Variants in SRRM4 observed in about 807,000 individuals in gnomAD.
The protein encoded by SRRM4 is serine/arginine repetitive matrix 4.
A neutral mutation model predicts 68.9 loss-of-function variants in SRRM4; 33 were observed. That is an observed-to-expected ratio of 0.48 (90% CI 0.36 to 0.64). The LOEUF (loss-of-function observed/expected upper bound fraction) is 0.64, where lower values mean the gene tolerates loss of function less well. SRRM4 is among the 30% of genes least tolerant of loss of function. The pLI, the probability that SRRM4 is intolerant of heterozygous loss-of-function variation, is 0.00. For synonymous variants in SRRM4, 318 were observed against 318.8 expected, an observed-to-expected ratio of 1.00 and a Z score of 0.03; for missense variants, 817 against 827.1, an observed-to-expected ratio of 0.99 and a Z score of 0.15.
chr12:119,052,020 T>A (rs2136017386), intron 1 of SRRM4, among the ~76,000 whole-genome samples: 1 of 152,186 alleles, frequency 6.6e-6, no homozygotes, highest in Non-Finnish European at 1.5e-5. Flanking sequence ...ACAGCTAGAG[T>A]GTTCCATTTT....
chr12:118,991,557 T>C (rs997504450), intron 1 of SRRM4, among the ~76,000 whole-genome samples: 1 of 152,220 alleles, frequency 6.6e-6, no homozygotes, highest in Admixed American at 6.5e-5. Flanking sequence ...ATGAGCTCCT[T>C]GTTGAACGAA....
chr12:119,045,328 C>G (rs913255346), intron 1 of SRRM4, among the ~76,000 whole-genome samples: 5 of 149,272 alleles, frequency 3.3e-5, no homozygotes, highest in African/African-American at 1.2e-4. Flanking sequence ...CAACACATGT[C>G]TTGTTCCTTC....
At chr12:119,150,271 A>C (rs1954430081) in intron 9 of SRRM4, among the ~76,000 whole-genome samples, 1 of 152,208 alleles carries the variant, frequency 6.6e-6, no homozygotes, top group South Asian at 2.1e-4. Context: ...CAGGAGTTTG[A>C]GACCAGTCTG....
intron 10 of SRRM4, among the ~76,000 whole-genome samples, chr12:119,151,482 G>T (rs1954438968): frequency 6.6e-6 from 1 of 152,190 alleles, no homozygotes; most frequent in Non-Finnish European, 1.5e-5. Context: ...ACAGTACACA[G>T]AACATAATGA....
At chr12:119,113,419 AC>A (rs1337281468) in intron 2 of SRRM4, among the ~76,000 whole-genome samples, 1 of 152,218 alleles carries the variant, frequency 6.6e-6, no homozygotes, top group Non-Finnish European at 1.5e-5. Context: ...AAGTTAATTA[AC>A]CTTTCTGAGG....
At chr12:119,040,533 C>A (rs1427700757) in intron 1 of SRRM4, among the ~76,000 whole-genome samples, 1 of 152,176 alleles carries the variant, frequency 6.6e-6, no homozygotes, top group African/African-American at 2.4e-5. Context: ...TTAATTCATT[C>A]CTTTTTATGG....
chr12:119,130,908 G>T, intron 8 of SRRM4, 74 bp downstream of exon 8: 2 of 1,461,834 alleles, frequency 1.4e-6, no homozygotes, highest in South Asian at 1.3e-5. Context: ...CAAGTTCAGG[G>T]CAGTGTATGG....
chr12:119,111,021 C>T (rs1954139904), intron 2 of SRRM4, among the ~76,000 whole-genome samples: 1 of 152,212 alleles, frequency 6.6e-6, no homozygotes, highest in Non-Finnish European at 1.5e-5. Flanking sequence ...GAGCACTTAA[C>T]CACTGAATAG....
chr12:119,038,313 G>A (rs1206875718), intron 1 of SRRM4, among the ~76,000 whole-genome samples: 1 of 151,304 alleles, frequency 6.6e-6, no homozygotes, highest in African/African-American at 2.4e-5. Flanking sequence ...CCGGGTTCAT[G>A]CCATTCTCCT....
At chr12:119,061,925 T>C (rs1953814770) in intron 1 of SRRM4, among the ~76,000 whole-genome samples, 1 of 152,106 alleles carries the variant, frequency 6.6e-6, no homozygotes, top group Admixed American at 6.6e-5. Context: ...CCCACCTCCA[T>C]TGAAAATCTA....
At chr12:119,058,192 T>C (rs1291281908) in intron 1 of SRRM4, among the ~76,000 whole-genome samples, 2 of 152,240 alleles carry the variant, frequency 1.3e-5, no homozygotes, top group Non-Finnish European at 2.9e-5. Context: ...ATCTGCTAGG[T>C]ATTATACATT....
intron 5 of SRRM4, 87 bp downstream of exon 5, chr12:119,120,363 A>G: frequency 2.1e-6 from 3 of 1,405,498 alleles, no homozygotes; most frequent in Non-Finnish European, 2.9e-6. Context: ...CTCAGTTTCC[A>G]TCTGTGCTCT....
intron 1 of SRRM4, among the ~76,000 whole-genome samples, chr12:118,989,164 T>C (rs1218519212): frequency 6.8e-6 from 1 of 147,652 alleles, no homozygotes; most frequent in Non-Finnish European, 1.5e-5. Context: ...GTTCTTGCCT[T>C]CTCAAGCAGA....
At chr12:119,140,173 G>A (rs867636457) in intron 8 of SRRM4, among the ~76,000 whole-genome samples, 3 of 152,044 alleles carry the variant, frequency 2.0e-5, no homozygotes, top group African/African-American at 4.8e-5. Context: ...TCAGGAGTTC[G>A]AGACCAGCCT....
intron 1 of SRRM4, among the ~76,000 whole-genome samples, chr12:119,039,991 A>G (rs1228779023): frequency 2.0e-5 from 3 of 152,160 alleles, no homozygotes; most frequent in Admixed American, 6.5e-5. Flanking sequence ...CAACTTTCAC[A>G]TACAGGGGAG....
At chr12:119,111,842 G>A (rs901048200) in intron 2 of SRRM4, among the ~76,000 whole-genome samples, 6 of 152,108 alleles carry the variant, frequency 3.9e-5, no homozygotes, top group South Asian at 2.1e-4. Context: ...TCAGGAGTTC[G>A]AGACCAGCCT....
intron 1 of SRRM4, among the ~76,000 whole-genome samples, chr12:119,041,399 C>T (rs144856221): frequency 8.1e-4 from 124 of 152,338 alleles, no homozygotes; most frequent in African/African-American, 2.9e-3. Context: ...CAGAGATATT[C>T]TGAAGATCCA....
chr12:119,156,612 C>G lies in SRRM4; in HGVS notation c.1650C>G (p.Ser550=), dbSNP rs1442236758. 6.2e-7 allele frequency: 1 copy of G among 1,609,622 alleles called. No homozygotes were observed. Among genetic ancestry groups the G allele is most frequent in the African/African-American group, 1.3e-5 (1 of 74,796 alleles). ...SSSRSASRSY[S]RSRSRSRSRR... Reference sequence around the variant, plus strand: ...GCCGCTCGGCCAGCCGCAGCTACTCCCGGAGCCGGAGTCGGAGCCGGAGCC... The same window carrying G: ...GCCGCTCGGCCAGCCGCAGCTACTCGCGGAGCCGGAGTCGGAGCCGGAGCC... The change falls in exon 13 of 13, where the codon TCC becomes TCG. Residue 550 remains serine (S), a synonymous_variant. Transcript: ENST00000267260.
intron 1 of SRRM4, among the ~76,000 whole-genome samples, chr12:119,064,201 T>C (rs1240615979): frequency 1.3e-5 from 2 of 152,224 alleles, no homozygotes; most frequent in Non-Finnish European, 2.9e-5. Flanking sequence ...AATTCATTTC[T>C]AAAGTGATCT....
Sources: gnomAD v4.1 joint callset for allele counts (sites outside exome capture counted in the v4.1 genomes callset) on GRCh38, gnomAD v4.1.1 for gene constraint, MANE v1.5 for transcripts, NCBI Gene and HGNC (gene_info 2026-07-23, HGNC 2026-07-21) for gene names.